The following ADAMTSL1 variants were observed in gnomAD, a reference collection of about 807,000 sequenced individuals.
The protein encoded by ADAMTSL1 is ADAMTS like 1.
Under a neutral mutation model 201.8 loss-of-function variants are expected in ADAMTSL1, and 126 were observed. The ratio of observed to expected loss-of-function variants is 0.62; its 90% CI spans 0.54 to 0.72. The LOEUF (loss-of-function observed/expected upper bound fraction) is 0.72. Ranked by LOEUF, ADAMTSL1 falls within the 30% of genes least tolerant of loss-of-function variation. ADAMTSL1 has a pLI of 0.00. For synonymous variants in ADAMTSL1, 1,121 were observed against 903.4 expected (o/e 1.24, Z -4.32); for missense variants, 2,679 against 2,277.8 (o/e 1.18, Z -3.59).
intron 1 of ADAMTSL1, among the ~76,000 whole-genome samples, chr9:18,499,523 C>T (rs1401973055): frequency 6.6e-6 from 1 of 152,232 alleles, no homozygotes; most frequent in African/African-American, 2.4e-5. Flanking sequence ...CAGGATGTTT[C>T]TGTGTATAGA....
chr9:18,868,948 C>G (rs1348881000), intron 23 of ADAMTSL1, among the ~76,000 whole-genome samples: 2 of 152,152 alleles, frequency 1.3e-5, no homozygotes, highest in Admixed American at 6.5e-5. Flanking sequence ...TGGATGTGCC[C>G]TTATGTGGAA....
intron 5 of ADAMTSL1, among the ~76,000 whole-genome samples, chr9:18,627,740 C>T (rs1366157990): frequency 6.6e-6 from 1 of 152,122 alleles, no homozygotes; most frequent in Non-Finnish European, 1.5e-5. Flanking sequence ...AGGATAATCA[C>T]TTAATTTTAA....
At position 18,910,652 on chromosome 9, in the gene ADAMTSL1, T is replaced by C. The variant is rs552523672; in HGVS notation, c.*2104T>C. The C allele has an allele frequency of 5.3e-5, 8 of 152,380 alleles. No homozygotes were observed. The East Asian group carries it at 1.3e-3, about 26-fold the overall frequency. 9.4% of individuals were successfully genotyped at this position (152,380 alleles called of 1,614,324 possible). On this transcript the variant is annotated 3_prime_UTR_variant, in exon 29 of 29. Coordinates refer to ENST00000380548, the MANE Select transcript of ADAMTSL1 (RefSeq NM_001040272.6). The stretch of plus-strand genomic sequence containing the variant: ...TTAATTATTTCTAGTTCGATAGTGA[T>C]TGAAAATCAGTGGTCACTATTTACA...
At chr9:18,264,117 C>T (rs1171630503) in intron 2 of ADAMTSL1, among the ~76,000 whole-genome samples, 1 of 152,168 alleles carries the variant, frequency 6.6e-6, no homozygotes, top group East Asian at 1.9e-4. Context: ...TTACTAGCAT[C>T]TAGATTCTCT....
chr9:18,396,107 A>G (rs1231495735), intron 2 of ADAMTSL1, among the ~76,000 whole-genome samples: 1 of 152,206 alleles, frequency 6.6e-6, no homozygotes, highest in Non-Finnish European at 1.5e-5. Context: ...CAAGGCAGTC[A>G]GTGACCCCAT....
intron 1 of ADAMTSL1, among the ~76,000 whole-genome samples, chr9:18,160,452 C>T (rs1010631915): frequency 2.0e-5 from 3 of 152,006 alleles, no homozygotes; most frequent in Admixed American, 1.3e-4. Flanking sequence ...AATTTCTCCA[C>T]TTCTCATGCT....
rs553108147 is a variant in ADAMTSL1, at chr9:18,309,051, A to C, written c.207+145070A>C. Among the ~76,000 whole-genome samples, 5 of 152,322 alleles carry C rather than the reference A, an allele frequency of 3.3e-5. No individual in the cohort carries two copies. The East Asian group carries it at 9.6e-4, about 29-fold the overall frequency. ...TCCACATATGCAAATCAATAAATGT[A>C]ATCCATCACATAAACAAAACCAATG... On this transcript the variant is annotated intron_variant, in intron 2 of 29. Transcript: ENST00000680146.
intron 2 of ADAMTSL1, among the ~76,000 whole-genome samples, chr9:18,175,756 C>G (rs553452524): frequency 6.6e-6 from 1 of 152,082 alleles, no homozygotes; most frequent in African/African-American, 2.4e-5. Context: ...CCTTGTCTCT[C>G]CAAAGTCCTA....
At chr9:18,105,143 A>G (rs1323357614) in intron 1 of ADAMTSL1, among the ~76,000 whole-genome samples, 1 of 152,228 alleles carries the variant, frequency 6.6e-6, no homozygotes, top group Non-Finnish European at 1.5e-5. Context: ...AAATTCGTAC[A>G]GGACACCGTC....
chr9:18,024,172 A>G (rs982416782), intron 1 of ADAMTSL1, among the ~76,000 whole-genome samples: 3 of 152,100 alleles, frequency 2.0e-5, no homozygotes, highest in African/African-American at 7.2e-5. Flanking sequence ...ATAATTGTAA[A>G]TGTTTTATAA....
chr9:18,065,600 C>T (rs1182586486), intron 1 of ADAMTSL1, among the ~76,000 whole-genome samples: 2 of 152,120 alleles, frequency 1.3e-5, no homozygotes, highest in African/African-American at 2.4e-5. Context: ...AATAAAATGA[C>T]GTCTTTAAAT....
At chr9:18,529,785 T>G (rs1819320664) in intron 2 of ADAMTSL1, among the ~76,000 whole-genome samples, 1 of 152,036 alleles carries the variant, frequency 6.6e-6, no homozygotes, top group Non-Finnish European at 1.5e-5. Flanking sequence ...TTAAAGAAGC[T>G]CTCAAAAAAG....
At chr9:18,291,076 C>G (rs1050039833) in intron 2 of ADAMTSL1, among the ~76,000 whole-genome samples, 1 of 152,092 alleles carries the variant, frequency 6.6e-6, no homozygotes, top group Non-Finnish European at 1.5e-5. Flanking sequence ...CCACCGCACC[C>G]GGGCCACTAA....
intron 1 of ADAMTSL1, among the ~76,000 whole-genome samples, chr9:18,152,060 T>C (rs191681078): frequency 1.3e-5 from 2 of 152,234 alleles, no homozygotes; most frequent in Admixed American, 1.3e-4. Context: ...CTTTTCATAA[T>C]TATCACCACT....
At chr9:18,157,696 CAG>C (rs1827215855) in intron 1 of ADAMTSL1, among the ~76,000 whole-genome samples, 1 of 151,926 alleles carries the variant, frequency 6.6e-6, no homozygotes, top group South Asian at 2.1e-4. Context: ...GAAGAACAAA[CAG>C]AATACTGAAA....
chr9:18,027,657 G>T lies in ADAMTSL1; in HGVS notation c.87+120735G>T, dbSNP rs374970611. On this transcript the variant is annotated intron_variant, in intron 1 of 29. Coordinates refer to the ADAMTSL1 transcript ENST00000680146. ...GAGCATGTGGTTGATCTTAGAGTAT[G>T]TTCCATGTGTAGATGAGAAAAATGT... Among the ~76,000 whole-genome samples the T allele has an allele frequency of 1.6e-3, 239 of 152,132 alleles. 7 individuals are homozygous for T. The South Asian group carries it at 0.047, about 30-fold the overall frequency.
At chr9:17,978,972 T>TC (rs397817983) in intron 1 of ADAMTSL1, among the ~76,000 whole-genome samples, 44 of 151,844 alleles carry the variant, frequency 2.9e-4, no homozygotes, top group African/African-American at 1.1e-3. Flanking sequence ...TTTTTTTTTT[T>TC]CTTTCAGCAT....
chr9:18,476,782 T>C (rs911829904), intron 1 of ADAMTSL1, among the ~76,000 whole-genome samples: 1 of 152,182 alleles, frequency 6.6e-6, no homozygotes, highest in Admixed American at 6.5e-5. Context: ...ACATCCTGTC[T>C]ATTTTGTGGC....
intron 7 of ADAMTSL1, among the ~76,000 whole-genome samples, chr9:18,648,642 G>T (rs201169637): frequency 9.9e-5 from 15 of 151,622 alleles, no homozygotes; most frequent in East Asian, 5.8e-4. Flanking sequence ...CTCCTTCACT[G>T]ATGAAGCTTA....
Sources: allele counts gnomAD v4.1 joint callset (sites outside exome capture counted in the v4.1 genomes callset), GRCh38; gene constraint gnomAD v4.1.1; transcripts MANE v1.5; gene names NCBI Gene and HGNC (gene_info 2026-07-23, HGNC 2026-07-21).